The following U2SURP variants were observed in gnomAD, a reference collection of about 807,000 sequenced individuals.
U2SURP encodes U2 snRNP-associated SURP motif-containing protein.
U2SURP carries 9 observed loss-of-function variants against 144.9 expected under a neutral mutation model. The observed-to-expected ratio is 0.06, with a 90% CI of 0.04 to 0.11. The LOEUF is 0.11. Ranked by LOEUF, U2SURP falls within the 10% of genes least tolerant of loss-of-function variation. U2SURP has a pLI of 1.00. For missense variants in U2SURP, 724 were observed against 1,226.7 expected (o/e 0.59, Z 6.12); for synonymous variants, 408 against 396.8 (o/e 1.03, Z -0.33).
At chr3:143,044,456 T>A (rs1934308080) in intron 24 of U2SURP, among the ~76,000 whole-genome samples, 1 of 149,460 alleles carries the variant, frequency 6.7e-6, no homozygotes, top group Non-Finnish European at 1.5e-5. Context: ...GCCCGACTAA[T>A]TTTTTTTTTG....
chr3:143,004,394 T>C (rs1174432301), intron 1 of U2SURP, among the ~76,000 whole-genome samples: 4 of 123,732 alleles, frequency 3.2e-5, no homozygotes, highest in African/African-American at 1.2e-4. Flanking sequence ...GAGGGAGTCT[T>C]GCCTTGTCGC....
intron 1 of U2SURP, among the ~76,000 whole-genome samples, chr3:143,010,476 C>G (rs1011667159): frequency 6.6e-6 from 1 of 152,136 alleles, no homozygotes. Context: ...TGGCAGTAAA[C>G]GATGCATCTA....
At chr3:143,017,117 C>A in intron 6 of U2SURP, 142 bp downstream of exon 6, 1 of 654,696 alleles carries the variant, frequency 1.5e-6, no homozygotes, top group Non-Finnish European at 2.3e-6. Context: ...CTTTCTAACC[C>A]AGTAATTTAC....
At chr3:143,039,874 ATGT>A (rs1934012368) in intron 23 of U2SURP, among the ~76,000 whole-genome samples, 1 of 151,876 alleles carries the variant, frequency 6.6e-6, no homozygotes, top group Non-Finnish European at 1.5e-5. Flanking sequence ...TTTTTCAGAA[ATGT>A]TGGTGTGATT....
intron 1 of U2SURP, among the ~76,000 whole-genome samples, chr3:143,006,729 C>T (rs370933013): frequency 1.4e-4 from 22 of 152,112 alleles, no homozygotes; most frequent in Non-Finnish European, 2.2e-4. Flanking sequence ...GCAAAAAGAG[C>T]GAAACTCCGT....
chr3:143,054,627 C>A (rs1444745873), intron 26 of U2SURP, among the ~76,000 whole-genome samples: 1 of 152,238 alleles, frequency 6.6e-6, no homozygotes, highest in African/African-American at 2.4e-5. Flanking sequence ...ATGCCCCATT[C>A]TCTTAACCAC....
In U2SURP at chr3:143,037,996, A is replaced by G. The variant is rs1457773688; in HGVS notation, c.2222-112A>G. On this transcript the variant is annotated intron_variant, in intron 21 of 27. Coordinates refer to ENST00000473835, the MANE Select transcript of U2SURP (RefSeq NM_001080415.2). ...TTGTTCTTAGTATTACTATTTGTCC[A>G]TCTGTGTCCTTATTTTACTTTGCTT... is the stretch of plus-strand genomic sequence containing the variant. The G allele has an allele frequency of 9.3e-6, 6 of 644,812 alleles. No individual in the cohort carries two copies. In the East Asian group the frequency reaches 1.2e-4, roughly 13 times the overall value. 39.9% of individuals were successfully genotyped at this position (644,812 alleles called of 1,614,324 possible).
intron 18 of U2SURP, 184 bp from the exon 19 acceptor site, chr3:143,034,704 A>G: frequency 2.0e-6 from 1 of 496,866 alleles, no homozygotes; most frequent in Non-Finnish European, 3.6e-6. Flanking sequence ...AGAAAAATTC[A>G]GAGTAATAAG....
At chr3:143,034,414 A>G (rs1311659259) in intron 18 of U2SURP, 1 of 150,862 alleles carries the variant, frequency 6.6e-6, no homozygotes, top group East Asian at 1.9e-4. Context: ...AAAAAAAAAA[A>G]GTATAACTTT....
At chr3:143,044,427 T>A (rs1017959412) in intron 24 of U2SURP, among the ~76,000 whole-genome samples, 1 of 151,724 alleles carries the variant, frequency 6.6e-6, no homozygotes, top group Non-Finnish European at 1.5e-5. Flanking sequence ...TAGCTGGGAC[T>A]ACAGATGTGC....
chr3:143,052,424 C>T (rs1404114506), intron 25 of U2SURP, among the ~76,000 whole-genome samples: 3 of 152,164 alleles, frequency 2.0e-5, no homozygotes, highest in Admixed American at 6.5e-5. Flanking sequence ...TGCTACTTAC[C>T]TATACCCCAT....
At chr3:143,016,153 TG>T in intron 4 of U2SURP, 103 bp from the exon 5 acceptor site, 1 of 900,500 alleles carries the variant, frequency 1.1e-6, no homozygotes, top group Non-Finnish European at 1.8e-6. Context: ...CTGCTTAACC[TG>T]GGAAGGGAGG....
chr3:143,005,913 G>T (rs1935806011), intron 1 of U2SURP, among the ~76,000 whole-genome samples: 1 of 151,966 alleles, frequency 6.6e-6, no homozygotes, highest in African/African-American at 2.4e-5. Context: ...ATCAAAAATA[G>T]TAATATTACA....
In U2SURP at chr3:143,059,383, A is replaced by T. The variant is rs1935284284; in HGVS notation, c.*2933A>T. 6.6e-6 allele frequency: 1 copy of T among 152,266 alleles called. No individual in the cohort carries two copies. The highest frequency in any genetic ancestry group is 6.6e-5 in the Admixed American group (1 of 15,228). 9.4% of individuals were successfully genotyped at this position (152,266 alleles called of 1,614,324 possible). On this transcript the variant is annotated 3_prime_UTR_variant, in exon 28 of 28. Transcript: ENST00000473835. ...TGAATCTTGGAGGGAATACTTGCTT[A>T]TTTATGACTTAGGTATTTCCCCCCA...
intron 1 of U2SURP, among the ~76,000 whole-genome samples, chr3:143,005,558 T>G (rs1224858843): frequency 6.6e-6 from 1 of 152,154 alleles, no homozygotes; most frequent in Non-Finnish European, 1.5e-5. Context: ...AGAACTGAAC[T>G]TCCTTCCATT....
intron 27 of U2SURP, among the ~76,000 whole-genome samples, chr3:143,055,743 T>G (rs970194688): frequency 5.9e-5 from 9 of 152,152 alleles, no homozygotes; most frequent in Non-Finnish European, 8.8e-5. Flanking sequence ...ATGGCACCTG[T>G]ATATATATGT....
intron 17 of U2SURP, 140 bp from the exon 18 acceptor site, chr3:143,033,131 A>T: frequency 1.2e-6 from 1 of 831,090 alleles, no homozygotes; most frequent in Non-Finnish European, 1.8e-6. Flanking sequence ...TAAATGGGTT[A>T]ACAAATTTCA....
intron 24 of U2SURP, among the ~76,000 whole-genome samples, chr3:143,048,047 G>C (rs1262578306): frequency 6.6e-6 from 1 of 152,248 alleles, no homozygotes; most frequent in African/African-American, 2.4e-5. Flanking sequence ...GAACCAAGTG[G>C]AGGGTCTTCT....
chr3:143,008,269 A>AG (rs1935945718), intron 1 of U2SURP, among the ~76,000 whole-genome samples: 3 of 152,228 alleles, frequency 2.0e-5, no homozygotes, highest in African/African-American at 7.2e-5. Context: ...ACTTGGAGTC[A>AG]GGGAAGAGTT....
Sources: gnomAD v4.1 joint callset for allele counts (sites outside exome capture counted in the v4.1 genomes callset) on GRCh38, gnomAD v4.1.1 for gene constraint, MANE v1.5 for transcripts, NCBI Gene and HGNC (gene_info 2026-07-23, HGNC 2026-07-21) for gene names.